Variants in ZYG11B observed in about 807,000 individuals in gnomAD.
The protein encoded by ZYG11B is zyg-11 family member B, cell cycle regulator.
Under a neutral mutation model 82.4 loss-of-function variants are expected in ZYG11B, and 36 were observed. The ratio of observed to expected loss-of-function variants is 0.44; its 90% CI spans 0.33 to 0.58. The LOEUF (loss-of-function observed/expected upper bound fraction) is 0.58. Ranked by LOEUF, ZYG11B falls within the 20% of genes least tolerant of loss-of-function variation. The probability of loss-of-function intolerance (pLI) is 0.02; values close to 1 mark genes in which losing one functional copy is unlikely to be tolerated. For synonymous variants in ZYG11B, 303 were observed against 312.8 expected, an observed-to-expected ratio of 0.97 and a Z score of 0.33; for missense variants, 552 against 895.6, an observed-to-expected ratio of 0.62 and a Z score of 4.90.
chr1:52,796,371 A>G lies in ZYG11B; in HGVS notation c.1414A>G (p.Ile472Val), dbSNP rs1645006393. ...QNMQRMAVAI[I>V]SILAAKLSTE... ...CATGCAAAGGATGGCAGTTGCTATC[A>G]TTTCTATCCTGGCTGCCAAGGTACC... The change falls in exon 7 of 14, where the codon ATT (isoleucine) becomes GTT (valine). Residue 472 changes from isoleucine to valine, a missense_variant. Around this residue, in one of 3 missense-constraint regions of ZYG11B, gnomAD observed 66 missense variants for 176.4 expected, o/e 0.37. Coordinates refer to ENST00000294353, the MANE Select transcript of ZYG11B (RefSeq NM_024646.3). 1 of 1,613,562 alleles carries G rather than the reference A, an allele frequency of 6.2e-7. No individual in the cohort carries two copies.
intron 1 of ZYG11B, among the ~76,000 whole-genome samples, chr1:52,736,296 T>TTTAC (rs201424264): frequency 0.026 from 3,695 of 139,988 alleles, 157 homozygotes; most frequent in African/African-American, 0.092. Flanking sequence ...TATTTATTTA[T>TTTAC]TGAGACAGAG....
chr1:52,790,773 CTTTT>C, intron 6 of ZYG11B, among the ~76,000 whole-genome samples: 1 of 77,694 alleles, frequency 1.3e-5, no homozygotes, highest in African/African-American at 5.2e-5. Flanking sequence ...GTCCAGTGTT[CTTTT>C]TTTTTTTTTT....
Position 52,783,991 on chromosome 1 carries a change from T to TAGAGAGAGAG in ZYG11B, c.1093-885_1093-884insGAGAGAGAGA, listed in dbSNP as rs1346019791. ...ACATATACACACACACACACATATA[T>TAGAGAGAGAG]ATATATAGAGAGAGAGAGAGATGGA... On this transcript the variant is annotated intron_variant, in intron 4 of 13. Transcript: ENST00000294353. Among the ~76,000 whole-genome samples the TAGAGAGAGAG allele has an allele frequency of 5.7e-5, 8 of 140,210 alleles. No individual in the cohort carries two copies. In the East Asian group the frequency reaches 1.2e-3, roughly 20 times the overall value. The allele number at this position is 140,210 out of a possible 152,430, so 92.0% of individuals were successfully genotyped here.
chr1:52,750,487 G>C (rs1330457610), intron 1 of ZYG11B, among the ~76,000 whole-genome samples: 1 of 151,972 alleles, frequency 6.6e-6, no homozygotes, highest in Non-Finnish European at 1.5e-5. Flanking sequence ...TGGTCAGGTT[G>C]ATCTTGAACT....
chr1:52,819,023 C>T (rs1003024364), intron 13 of ZYG11B, among the ~76,000 whole-genome samples: 2 of 151,948 alleles, frequency 1.3e-5, no homozygotes, highest in East Asian at 1.9e-4. Context: ...CGAACTCACC[C>T]GCCTTGGCCT....
intron 1 of ZYG11B, among the ~76,000 whole-genome samples, chr1:52,737,641 G>A (rs1644389051): frequency 6.6e-6 from 1 of 152,152 alleles, no homozygotes; most frequent in African/African-American, 2.4e-5. Flanking sequence ...TGGCATGCCT[G>A]TAATCCCAGC....
chr1:52,758,928 A>G (rs1644603157), intron 2 of ZYG11B, among the ~76,000 whole-genome samples: 1 of 151,686 alleles, frequency 6.6e-6, no homozygotes, highest in African/African-American at 2.4e-5. Context: ...TATGCTCAGT[A>G]TATTATTATT....
chr1:52,745,084 G>A (rs1644465187), intron 1 of ZYG11B, among the ~76,000 whole-genome samples: 1 of 152,138 alleles, frequency 6.6e-6, no homozygotes, highest in South Asian at 2.1e-4. Context: ...GTCCACAAGT[G>A]CTCAGAAGGT....
chr1:52,777,880 T>C (rs542104465), intron 3 of ZYG11B, among the ~76,000 whole-genome samples: 2 of 152,340 alleles, frequency 1.3e-5, no homozygotes, highest in East Asian at 3.9e-4. Flanking sequence ...TCGCTCTGAA[T>C]GACGTTTTTT....
chr1:52,746,041 A>G (rs1644473366), intron 1 of ZYG11B, among the ~76,000 whole-genome samples: 1 of 150,460 alleles, frequency 6.6e-6, no homozygotes, highest in African/African-American at 2.4e-5. Flanking sequence ...GCTCACTGCA[A>G]CCTCCACCTC....
At chr1:52,748,355 T>C (rs554564881) in intron 1 of ZYG11B, among the ~76,000 whole-genome samples, 9 of 151,850 alleles carry the variant, frequency 5.9e-5, no homozygotes, top group Non-Finnish European at 7.3e-5. Context: ...TTAATCTTTC[T>C]GAGCCTCAGT....
chr1:52,801,704 AC>A, intron 8 of ZYG11B, 114 bp from the exon 9 acceptor site: 1 of 816,284 alleles, frequency 1.2e-6, no homozygotes, highest in African/African-American at 1.7e-5. Context: ...AAGTACCTTT[AC>A]AGGAAATGCT....
chr1:52,800,960 T>G (rs1645071532), intron 8 of ZYG11B, among the ~76,000 whole-genome samples: 1 of 152,222 alleles, frequency 6.6e-6, no homozygotes. Context: ...CAGAGCTTCC[T>G]TTTTTACCTC....
At chr1:52,778,706 A>G (rs1644829932) in intron 3 of ZYG11B, among the ~76,000 whole-genome samples, 1 of 152,216 alleles carries the variant, frequency 6.6e-6, no homozygotes, top group Middle Eastern at 3.2e-3. Context: ...ACTTTTATAA[A>G]GAGCCACTTT....
At chr1:52,767,931 A>G (rs192220872) in intron 2 of ZYG11B, among the ~76,000 whole-genome samples, 1 of 152,278 alleles carries the variant, frequency 6.6e-6, no homozygotes, top group East Asian at 1.9e-4. Context: ...GAAGGTATCT[A>G]CTAACATCGT....
At chr1:52,803,442 GAAAA>G (rs57750852) in intron 10 of ZYG11B, among the ~76,000 whole-genome samples, 2 of 119,290 alleles carry the variant, frequency 1.7e-5, no homozygotes, top group African/African-American at 3.0e-5. Flanking sequence ...CATCTCAAAA[GAAAA>G]AAAAAAAAAA....
rs551005953 is a variant in ZYG11B at position 52,776,305 on chromosome 1, C to T, written c.952-3548C>T. Among the ~76,000 whole-genome samples the T allele has an allele frequency of 1.2e-4, 17 of 141,016 alleles. No homozygotes were observed. In the East Asian group the frequency reaches 1.6e-3, roughly 13 times the overall value. The allele number at this position is 141,016 out of a possible 152,430, so 92.5% of individuals were successfully genotyped here. On this transcript the variant is annotated intron_variant, in intron 3 of 13. Transcript: ENST00000294353. ...CAGCACTTTGGGAGGCCAAGACATG[C>T]GGATCACTTGAGGCCAAGAGTTGGA...
At chr1:52,738,640 G>C (rs1332533604) in intron 1 of ZYG11B, among the ~76,000 whole-genome samples, 10 of 133,672 alleles carry the variant, frequency 7.5e-5, no homozygotes, top group Middle Eastern at 7.4e-3. Context: ...TTTCACTCTT[G>C]TTATCAAGGC....
rs1553262819 is a variant in ZYG11B at position 52,803,157 on chromosome 1, C to CACACAT, written c.1695+1019_1695+1020insCACATA. Among the ~76,000 whole-genome samples the CACACAT allele has an allele frequency of 7.0e-5, 3 of 42,828 alleles. 1 individual carries two copies. Among genetic ancestry groups the CACACAT allele is most frequent in the Admixed American group, 3.3e-4 (1 of 3,048 alleles). The allele number at this position is 42,828 out of a possible 152,430, so 28.1% of individuals were successfully genotyped here. On this transcript the variant is annotated intron_variant, in intron 10 of 13. Coordinates refer to ENST00000294353, the MANE Select transcript of ZYG11B (RefSeq NM_024646.3). ...ATACACACATATATATATATATACA[C>CACACAT]ATATATATATACACACATATATATA...
Sources: gnomAD v4.1 joint callset for allele counts (sites outside exome capture counted in the v4.1 genomes callset) on GRCh38, gnomAD v4.1.1 for gene constraint, gnomAD v4.1.1 regional missense constraint, MANE v1.5 for transcripts, NCBI Gene and HGNC (gene_info 2026-07-23, HGNC 2026-07-21) for gene names.